Variants in XXYLT1 observed in about 807,000 individuals in gnomAD.
XXYLT1 encodes the protein xyloside xylosyltransferase 1, also known as UDP-xylose:alpha-xyloside alpha-1,3-xylosyltransferase.
Under a neutral mutation model 28.9 loss-of-function variants are expected in XXYLT1, and 20 were observed. That is an observed-to-expected ratio of 0.69 (90% CI 0.49 to 1.00). The LOEUF (loss-of-function observed/expected upper bound fraction) is 1.00, where lower values mean the gene tolerates loss of function less well. Ranked by LOEUF, XXYLT1 falls within the 50% of genes least tolerant of loss-of-function variation. The pLI is 0.00. For synonymous variants in XXYLT1, 257 were observed against 253.8 expected (o/e 1.01, Z -0.12); for missense variants, 542 against 560.1 (o/e 0.97, Z 0.33).
Position 195,184,928 on chromosome 3 carries a change from A to C in XXYLT1, c.653-28347T>G, listed in dbSNP as rs1417702382. 4 of 671,504 alleles carry C rather than the reference A, an allele frequency of 6.0e-6. No homozygotes were observed. In the East Asian group the frequency reaches 4.1e-4, roughly 68 times the overall value. 41.6% of individuals were successfully genotyped at this position (671,504 alleles called of 1,614,324 possible). A position where few individuals can be genotyped will look rare whatever the true frequency, so the allele number is the denominator to read the frequency against. On this transcript the variant is annotated intron_variant, in intron 2 of 3. Coordinates refer to ENST00000310380, the MANE Select transcript of XXYLT1 (RefSeq NM_152531.5). ...TCATCCTTTCAGTTTCGTTTGATCAAATGTTGGGCATTTATACAGCTCATT... is the reference window on the plus strand; with the variant it reads ...TCATCCTTTCAGTTTCGTTTGATCACATGTTGGGCATTTATACAGCTCATT...
At chr3:195,141,541 G>A (rs12491663) in intron 3 of XXYLT1, among the ~76,000 whole-genome samples, 17,799 of 152,088 alleles carry the variant, frequency 0.12, 1,166 homozygotes, top group East Asian at 0.27. Context: ...AAGACCTCAG[G>A]CTATGGCAGG....
intron 2 of XXYLT1, among the ~76,000 whole-genome samples, chr3:195,220,858 A>AT (rs1219278894): frequency 6.6e-6 from 1 of 152,230 alleles, no homozygotes; most frequent in Non-Finnish European, 1.5e-5. Context: ...GACTATCCAC[A>AT]TTCTTTAAGC....
Position 195,265,285 on chromosome 3 carries a change from G to A in XXYLT1, c.504+5270C>T, listed in dbSNP as rs566554291. On this transcript the variant is annotated intron_variant, in intron 1 of 3. Coordinates refer to ENST00000310380, the MANE Select transcript of XXYLT1 (RefSeq NM_152531.5). Reference sequence around the variant, plus strand: ...CTTGGGAGGCTGAGGCAGGAGAATCGCTTGAAAGGAGGCAGAGGCTGCAGT... The same window carrying A: ...CTTGGGAGGCTGAGGCAGGAGAATCACTTGAAAGGAGGCAGAGGCTGCAGT... 1.7e-3 allele frequency among the ~76,000 whole-genome samples: 263 copies of A among 151,494 alleles called. 1 individual carries two copies. The highest frequency in any genetic ancestry group is 5.0e-3 in the African/African-American group (205 of 41,274).
chr3:195,109,549 T>G (rs1225839432), intron 3 of XXYLT1, among the ~76,000 whole-genome samples: 4 of 130,408 alleles, frequency 3.1e-5, no homozygotes, highest in East Asian at 2.4e-4. Context: ...GTGTAGGGGG[T>G]GTGTGTGTGC....
At chr3:195,117,114 T>TACACACACACACACACACACACACACAC (rs10633458) in intron 3 of XXYLT1, among the ~76,000 whole-genome samples, 1 of 148,630 alleles carries the variant, frequency 6.7e-6, no homozygotes, top group African/African-American at 2.5e-5. Context: ...ATATAGTGTA[T>TACACACACACACACACACACACACACAC]ACACACACAC....
At chr3:195,204,154 C>T (rs576315916) in intron 2 of XXYLT1, among the ~76,000 whole-genome samples, 1 of 151,786 alleles carries the variant, frequency 6.6e-6, no homozygotes, top group South Asian at 2.1e-4. Context: ...ACCAGCCTGG[C>T]CAGGATGATG....
intron 2 of XXYLT1, among the ~76,000 whole-genome samples, chr3:195,204,118 G>A (rs1233782804): frequency 1.3e-5 from 2 of 151,998 alleles, no homozygotes; most frequent in Admixed American, 6.6e-5. Context: ...GCTGAGGCAG[G>A]TGGATCATGA....
In XXYLT1 at chr3:195,226,609, G is replaced by A. The variant is rs1006299321; in HGVS notation, c.652+100C>T. ...CGTCCACTCTTTCATGTTCAGTGGA[G>A]CTATTCTCCCTGATACAGGGCCTGG... On this transcript the variant is annotated intron_variant, in intron 2 of 3. Coordinates refer to ENST00000310380, the MANE Select transcript of XXYLT1 (RefSeq NM_152531.5). 10 of 1,438,098 alleles carry A rather than the reference G, an allele frequency of 7.0e-6. No individual in the cohort carries two copies. In the African/African-American group the frequency reaches 1.0e-4, roughly 14 times the overall value. 89.1% of individuals were successfully genotyped at this position (1,438,098 alleles called of 1,614,324 possible).
At chr3:195,080,639 C>T (rs1022096956) in intron 3 of XXYLT1, among the ~76,000 whole-genome samples, 10 of 152,184 alleles carry the variant, frequency 6.6e-5, no homozygotes, top group Admixed American at 5.2e-4. Flanking sequence ...AGCCTCATGG[C>T]GCTGGAGGTC....
rs148074167 is a variant in XXYLT1, at chr3:195,151,662, T to C, written c.785+4787A>G. On this transcript the variant is annotated intron_variant, in intron 3 of 3. Transcript: ENST00000310380. ...TAAATAAACGATTATTTATAAACAA[T>C]AAACAATAACAATTATTTAGTATAA... Among the ~76,000 whole-genome samples the C allele has an allele frequency of 7.8e-4, 119 of 152,026 alleles. 1 individual carries two copies. Among genetic ancestry groups the C allele is most frequent in the African/African-American group, 2.4e-3 (101 of 41,506 alleles).
chr3:195,190,402 A>G lies in XXYLT1; in HGVS notation c.653-33821T>C, dbSNP rs187808910. Among the ~76,000 whole-genome samples, 149 of 151,332 alleles carry G rather than the reference A, an allele frequency of 9.8e-4. 4 individuals carry two copies. Among genetic ancestry groups the G allele is most frequent in the Admixed American group, 9.5e-3 (144 of 15,182 alleles). On this transcript the variant is annotated intron_variant, in intron 2 of 3. Coordinates refer to ENST00000310380, the MANE Select transcript of XXYLT1 (RefSeq NM_152531.5). Reference sequence around the variant, plus strand: ...CTCAGCTACACAGGAGGCTGAGGCAAAATAATCACTTGAACCCAGGAGGCA... The same window carrying G: ...CTCAGCTACACAGGAGGCTGAGGCAGAATAATCACTTGAACCCAGGAGGCA...
chr3:195,085,622 C>T (rs958650259), intron 3 of XXYLT1, among the ~76,000 whole-genome samples: 10 of 152,212 alleles, frequency 6.6e-5, no homozygotes, highest in African/African-American at 2.2e-4. Context: ...CTGCGGGCCG[C>T]GGTGGGCAGC....
intron 2 of XXYLT1, among the ~76,000 whole-genome samples, chr3:195,192,583 A>G (rs1722471033): frequency 6.6e-6 from 1 of 152,234 alleles, no homozygotes; most frequent in Non-Finnish European, 1.5e-5. Context: ...TAGAATAGCT[A>G]AGTGAAGATT....
At chr3:195,139,937 A>C (rs1277691334) in intron 3 of XXYLT1, among the ~76,000 whole-genome samples, 10 of 152,188 alleles carry the variant, frequency 6.6e-5, no homozygotes, top group Admixed American at 6.5e-4. Context: ...CCCATCCAGG[A>C]GGCATAAGGC....
rs186942269 is a variant in XXYLT1 at position 195,257,530 on chromosome 3, A to G, written c.504+13025T>C. Among the ~76,000 whole-genome samples the G allele has an allele frequency of 3.1e-3, 475 of 152,310 alleles. 3 individuals carry two copies. The highest frequency in any genetic ancestry group is 2.9e-3 in the Non-Finnish European group (198 of 68,028). ...TGATCCGGGGAAGAAGCCCCTGAGC[A>G]AAGTCCCAGAGATGGGAAGTGGCCG... On this transcript the variant is annotated intron_variant, in intron 1 of 3. Coordinates refer to ENST00000310380, the MANE Select transcript of XXYLT1 (RefSeq NM_152531.5). This position sits in a 1 kb window ranked among gnomAD's most constrained non-coding sequence, Gnocchi z 4.3.
intron 1 of XXYLT1, among the ~76,000 whole-genome samples, chr3:195,248,575 T>A (rs1439751362): frequency 2.0e-5 from 3 of 152,190 alleles, no homozygotes; most frequent in Non-Finnish European, 2.9e-5. Flanking sequence ...CCTTCCACTA[T>A]GATTGTGAGA....
At chr3:195,161,042 A>G (rs1395313020) in intron 2 of XXYLT1, among the ~76,000 whole-genome samples, 1 of 152,166 alleles carries the variant, frequency 6.6e-6, no homozygotes, top group African/African-American at 2.4e-5. Flanking sequence ...TTGGCCACAG[A>G]TTCTAGGGGC....
chr3:195,267,325 T>A (rs1725876468), intron 1 of XXYLT1, among the ~76,000 whole-genome samples: 1 of 152,210 alleles, frequency 6.6e-6, no homozygotes, highest in African/African-American at 2.4e-5. Context: ...GGGAATAAAC[T>A]GCCCCCTGGA....
intron 2 of XXYLT1, among the ~76,000 whole-genome samples, chr3:195,188,807 A>G (rs1722306576): frequency 6.6e-6 from 1 of 152,190 alleles, no homozygotes; most frequent in Non-Finnish European, 1.5e-5. Context: ...ATTTCCCTCC[A>G]CAGCCAACTT....
Sources: gnomAD v4.1 joint callset for allele counts (sites outside exome capture counted in the v4.1 genomes callset) on GRCh38, gnomAD v4.1.1 for gene constraint, Gnocchi (gnomAD v3.1) non-coding constraint, MANE v1.5 for transcripts, NCBI Gene and HGNC (gene_info 2026-07-23, HGNC 2026-07-21) for gene names.